Variants in BTBD7 observed in about 807,000 individuals in gnomAD.
The protein encoded by BTBD7 is BTB/POZ domain-containing protein 7.
A neutral mutation model predicts 99.9 loss-of-function variants in BTBD7; 38 were observed. The ratio of observed to expected loss-of-function variants is 0.38; its 90% confidence interval spans 0.29 to 0.50. BTBD7 has a LOEUF of 0.50. Among genes scored for constraint, BTBD7 ranks in the 20% least tolerant of loss-of-function variants. The pLI, the probability that BTBD7 is intolerant of heterozygous loss-of-function variation, is 0.93. For synonymous variants in BTBD7, 520 were observed against 511.4 expected (o/e 1.02, Z -0.23); for missense variants, 1,170 against 1,394.6 (o/e 0.84, Z 2.57).
intron 3 of BTBD7, among the ~76,000 whole-genome samples, chr14:93,268,250 A>T (rs2052562946): frequency 6.6e-6 from 1 of 152,114 alleles, no homozygotes; most frequent in Admixed American, 6.5e-5. Context: ...CTACTTTGAT[A>T]CTGCTCCTCA....
intron 3 of BTBD7, among the ~76,000 whole-genome samples, chr14:93,282,071 A>C (rs941044116): frequency 4.6e-5 from 7 of 152,204 alleles, no homozygotes; most frequent in African/African-American, 1.4e-4. Flanking sequence ...GAGAGGTAGC[A>C]ACTTAGGATT....
chr14:93,328,634 A>G (rs1739044885), intron 1 of BTBD7, among the ~76,000 whole-genome samples: 1 of 142,708 alleles, frequency 7.0e-6, no homozygotes, highest in Non-Finnish European at 1.5e-5. Context: ...AAAAAAAAAA[A>G]AAGGCTGGGC....
intron 1 of BTBD7, among the ~76,000 whole-genome samples, chr14:93,324,729 A>C (rs541541320): frequency 8.8e-4 from 134 of 152,310 alleles, no homozygotes; most frequent in African/African-American, 3.1e-3. Flanking sequence ...ACTTCCCTTC[A>C]AATCTGATCG....
chr14:93,332,308 A>G (rs2053443590), intron 1 of BTBD7: 1 of 152,290 alleles, frequency 6.6e-6, no homozygotes, highest in South Asian at 2.1e-4. Flanking sequence ...ACTTACCCGG[A>G]CAATCTAACT....
At chr14:93,244,367 T>C (rs975123802) in intron 10 of BTBD7, 26 of 195,498 alleles carry the variant, frequency 1.3e-4, no homozygotes, top group Non-Finnish European at 2.5e-4. Context: ...AATCTTGAGG[T>C]TGGCCGGGCG....
chr14:93,269,005 C>T (rs112307599), intron 3 of BTBD7, among the ~76,000 whole-genome samples: 6,353 of 152,080 alleles, frequency 0.042, 174 homozygotes, highest in African/African-American at 0.078. Context: ...GTGATCCGCC[C>T]GCCTCGGCCA....
At chr14:93,256,276 T>C (rs1403850585) in intron 6 of BTBD7, 1 of 152,210 alleles carries the variant, frequency 6.6e-6, no homozygotes, top group Non-Finnish European at 1.5e-5. Flanking sequence ...CAGAAGACTT[T>C]TATAATGTTT....
At chr14:93,286,121 T>C (rs2139750054) in intron 3 of BTBD7, among the ~76,000 whole-genome samples, 1 of 152,300 alleles carries the variant, frequency 6.6e-6, no homozygotes, top group South Asian at 2.1e-4. Context: ...CCACTAGATG[T>C]TGCTGCCCCA....
At chr14:93,264,309 G>A (rs1187478287) in intron 3 of BTBD7, among the ~76,000 whole-genome samples, 1 of 152,214 alleles carries the variant, frequency 6.6e-6, no homozygotes, top group African/African-American at 2.4e-5. Context: ...GACCAAAAGG[G>A]AAAGAAGAGT....
intron 3 of BTBD7, chr14:93,288,452 C>T: frequency 1.4e-6 from 1 of 692,160 alleles, no homozygotes; most frequent in Non-Finnish European, 2.6e-6. Context: ...TAATAGCATC[C>T]TGCTTATGTC....
intron 3 of BTBD7, among the ~76,000 whole-genome samples, chr14:93,286,213 A>G (rs2052775264): frequency 6.6e-6 from 1 of 152,214 alleles, no homozygotes; most frequent in Non-Finnish European, 1.5e-5. Context: ...AGAAGAAAGT[A>G]TATGACCTTT....
At chr14:93,274,104 T>C (rs2052629808) in intron 3 of BTBD7, among the ~76,000 whole-genome samples, 1 of 152,238 alleles carries the variant, frequency 6.6e-6, no homozygotes, top group Non-Finnish European at 1.5e-5. Flanking sequence ...TCACACCTAG[T>C]AGGCTGCCTA....
intron 3 of BTBD7, among the ~76,000 whole-genome samples, chr14:93,286,474 C>T (rs1027469039): frequency 1.1e-4 from 17 of 152,214 alleles, no homozygotes; most frequent in Admixed American, 3.9e-4. Context: ...GCCCACATTA[C>T]CCTCAACCCA....
At chr14:93,277,129 C>T (rs2052665018) in intron 3 of BTBD7, among the ~76,000 whole-genome samples, 1 of 151,824 alleles carries the variant, frequency 6.6e-6, no homozygotes, top group Non-Finnish European at 1.5e-5. Flanking sequence ...CCTGAAATCC[C>T]GACCTCAGGT....
intron 10 of BTBD7, 143 bp downstream of exon 10, chr14:93,245,680 TCC>T: frequency 8.4e-6 from 12 of 1,425,894 alleles, no homozygotes; most frequent in Non-Finnish European, 1.1e-5. Context: ...TTCCCTCTTT[TCC>T]ATACCCCTCA....
intron 3 of BTBD7, 81 bp downstream of exon 3, chr14:93,293,777 T>C (rs11628391): frequency 0.037 from 55,027 of 1,496,622 alleles, 2,432 homozygotes; most frequent in African/African-American, 0.21. Flanking sequence ...ACTGAAATCA[T>C]AGAATATACT....
At chr14:93,321,359 T>A (rs958093645) in intron 1 of BTBD7, among the ~76,000 whole-genome samples, 5 of 152,302 alleles carry the variant, frequency 3.3e-5, no homozygotes, top group African/African-American at 1.2e-4. Flanking sequence ...TTCAGAGGCC[T>A]AGGCGGGTGG....
chr14:93,292,114 G>C (rs2052863436), intron 3 of BTBD7, among the ~76,000 whole-genome samples: 1 of 152,150 alleles, frequency 6.6e-6, no homozygotes, highest in South Asian at 2.1e-4. Flanking sequence ...TTGAATCCAG[G>C]AGGCGGAGGT....
rs781571835 is a variant in BTBD7 at position 93,255,296 on chromosome 14, C to A, written c.1609-1506G>T. On this transcript the variant is annotated intron_variant, in intron 6 of 10. Transcript: ENST00000334746. ...AGGTAGCTGGGACTACAGGTGCATG[C>A]CACCATGCCTGGCTAATTTTTGTAT... 5.9e-5 allele frequency among the ~76,000 whole-genome samples: 9 copies of A among 152,226 alleles called. 1 individual carries two copies. In the Middle Eastern group the frequency reaches 0.014, roughly 230 times the overall value.
Sources: allele counts gnomAD v4.1 joint callset (sites outside exome capture counted in the v4.1 genomes callset), GRCh38; gene constraint gnomAD v4.1.1; transcripts MANE v1.5; gene names NCBI Gene and HGNC (gene_info 2026-07-23, HGNC 2026-07-21).